Variants in C17orf78 observed in about 807,000 individuals in gnomAD.
C17orf78 encodes uncharacterized protein C17orf78.
C17orf78 carries 27 observed loss-of-function variants against 31.8 expected under a neutral mutation model. That is an observed-to-expected ratio of 0.85 (90% CI 0.63 to 1.17). The LOEUF is 1.17. Ranked by LOEUF, C17orf78 falls within the 50% of genes most tolerant of loss-of-function variation. The pLI is 0.00. For synonymous variants in C17orf78, 106 were observed against 115.1 expected (o/e 0.92, Z 0.51); for missense variants, 258 against 315.2 (o/e 0.82, Z 1.37).
chr17:37,376,564 G>C (rs1568073061), intron 1 of C17orf78, among the ~76,000 whole-genome samples: 1 of 152,128 alleles, frequency 6.6e-6, no homozygotes, highest in Non-Finnish European at 1.5e-5. Context: ...TGAGGGAAAG[G>C]GTGATATTGG....
intron 4 of C17orf78, chr17:37,387,577 G>T (rs1249704322): frequency 6.6e-6 from 1 of 151,866 alleles, no homozygotes; most frequent in African/African-American, 2.4e-5. Flanking sequence ...CTCCTGAGTA[G>T]CTGGGACAAC....
chr17:37,380,833 G>A (rs1034831273), intron 3 of C17orf78, among the ~76,000 whole-genome samples: 8 of 151,352 alleles, frequency 5.3e-5, no homozygotes, highest in African/African-American at 1.9e-4. Flanking sequence ...CTGACCTCAA[G>A]TATCTGCCCG....
Position 37,379,296 on chromosome 17 carries a change from C to T in C17orf78, c.305C>T (p.Ala102Val), listed in dbSNP as rs1406136497. ...TTGAAGAACCTGAGAATCATTGCTG[C>T]TCCCCGCAGAAACAGCTCTGCCTCC... ...HILKNLRIIA[A>V]PRRNSSASSS... The change falls in exon 3 of 7, where the codon GCT becomes GTT. Residue 102 changes from alanine (A) to valine (V), a missense_variant. By Grantham distance (64) the Ala-to-Val change is moderately conservative (BLOSUM62 0). Coordinates refer to ENST00000615133, the MANE Select transcript of C17orf78 (RefSeq NM_173625.5). 6.2e-7 allele frequency: 1 copy of T among 1,613,994 alleles called. No homozygotes were observed. Among genetic ancestry groups the T allele is most frequent in the Non-Finnish European group, 8.5e-7 (1 of 1,179,878 alleles).
chr17:37,380,669 C>T (rs77624360), intron 3 of C17orf78, among the ~76,000 whole-genome samples: 3 of 151,994 alleles, frequency 2.0e-5, no homozygotes, highest in Non-Finnish European at 4.4e-5. Flanking sequence ...GCGATCTTGG[C>T]CCACTGCAAC....
chr17:37,387,640 T>C lies in C17orf78; in HGVS notation c.509-1030T>C, dbSNP rs576422320. On this transcript the variant is annotated intron_variant, in intron 4 of 6. Coordinates refer to ENST00000615133, the MANE Select transcript of C17orf78 (RefSeq NM_173625.5). ...TTTTGTATTTTTAGTAGAGACGGGT[T>C]TCACCATGTTGGCCAGGCTGGTCTC... 4 of 151,694 alleles carry C rather than the reference T, an allele frequency of 2.6e-5. No individual in the cohort carries two copies. In the South Asian group the frequency reaches 8.4e-4, roughly 32 times the overall value. The allele number at this position is 151,694 out of a possible 1,614,324, so 9.4% of individuals were successfully genotyped here. A position where few individuals can be genotyped will look rare whatever the true frequency, so the allele number is the denominator to read the frequency against.
intron 3 of C17orf78, among the ~76,000 whole-genome samples, chr17:37,381,312 A>G (rs115242921): frequency 0.012 from 1,751 of 151,750 alleles, 50 homozygotes; most frequent in African/African-American, 0.038. Context: ...CAGCTTTCCA[A>G]TTAGCTGGGA....
At chr17:37,379,410 G>A (rs781164698) in intron 3 of C17orf78, 28 bp downstream of exon 3, 5 of 1,603,578 alleles carry the variant, frequency 3.1e-6, no homozygotes, top group Non-Finnish European at 1.7e-6. Flanking sequence ...GAAGGGGGCA[G>A]GCACTAACTT....
Position 37,391,795 on chromosome 17 carries a change from T to C in C17orf78, c.*71T>C, listed in dbSNP as rs879581718. 1.5e-6 allele frequency: 2 copies of C among 1,338,948 alleles called. No homozygotes were observed. The highest frequency in any genetic ancestry group is 2.3e-5 in the East Asian group (1 of 43,482). 82.9% of individuals were successfully genotyped at this position (1,338,948 alleles called of 1,614,324 possible). ...CTCCCTATTAATATGGGCACATTCT[T>C]GCCAATTTCACACTTGTATCTTCAG... is the stretch of plus-strand genomic sequence containing the variant. On this transcript the variant is annotated 3_prime_UTR_variant, in exon 7 of 7. Coordinates refer to ENST00000615133, the MANE Select transcript of C17orf78 (RefSeq NM_173625.5).
At chr17:37,386,202 G>T in intron 4 of C17orf78, 77 bp downstream of exon 4, 1 of 922,292 alleles carries the variant, frequency 1.1e-6, no homozygotes. Context: ...AACATTTTTA[G>T]CCCCAGCGTT....
chr17:37,383,864 T>G (rs1338426511), intron 3 of C17orf78, among the ~76,000 whole-genome samples: 1 of 152,138 alleles, frequency 6.6e-6, no homozygotes, highest in Non-Finnish European at 1.5e-5. Context: ...AACAACCAAT[T>G]TATGTATGAA....
At chr17:37,388,918 C>T (rs2050669860) in intron 5 of C17orf78, 124 bp downstream of exon 5, 1 of 1,259,470 alleles carries the variant, frequency 7.9e-7, no homozygotes, top group Non-Finnish European at 1.1e-6. Flanking sequence ...GCCACTCACA[C>T]TCACTAGCTG....
intron 1 of C17orf78, among the ~76,000 whole-genome samples, chr17:37,376,981 T>A (rs971907309): frequency 6.6e-6 from 1 of 151,890 alleles, no homozygotes; most frequent in South Asian, 2.1e-4. Context: ...AATAAAAAAA[T>A]AAAATTAGCT....
intron 2 of C17orf78, 143 bp from the exon 3 acceptor site, chr17:37,378,994 C>T (rs1016345721): frequency 2.0e-5 from 20 of 1,003,068 alleles, no homozygotes; most frequent in South Asian, 3.5e-5. Context: ...GCTTGGAGAT[C>T]GAGGGAGTTT....
rs1202614343 is a variant in C17orf78 at position 37,386,055 on chromosome 17, A to G, written c.438A>G (p.Ser146=). ...AATGTAAAGTCCTGGGGGCTTCATC[A>G]GAGACTTTTCCCACCACTGCCCCTT... The part of the protein sequence containing the change: ...ISQCKVLGAS[S]ETFPTTAPSI... The change falls in exon 4 of 7, where the codon TCA becomes TCG. Residue 146 remains serine (S), a synonymous_variant. Transcript: ENST00000615133. 3 of 1,606,326 alleles carry G rather than the reference A, an allele frequency of 1.9e-6. No individual in the cohort carries two copies. Among genetic ancestry groups the G allele is most frequent in the African/African-American group, 1.3e-5 (1 of 74,732 alleles).
rs2050146070 is a variant in C17orf78 at position 37,379,394 on chromosome 17, A to T, written c.391+12A>T. ...TCTAAAAGGCAAAGGTGAGATTGGA[A>T]AAGAGGAAGGGGGCAGGCACTAACT... is the stretch of plus-strand genomic sequence containing the variant. On this transcript the variant is annotated intron_variant, in intron 3 of 6. Transcript: ENST00000615133. 6.2e-7 allele frequency: 1 copy of T among 1,611,758 alleles called. No individual in the cohort carries two copies. Among genetic ancestry groups the T allele is most frequent in the South Asian group, 1.1e-5 (1 of 90,940 alleles).
chr17:37,377,447 G>A (rs993272681), intron 1 of C17orf78, among the ~76,000 whole-genome samples: 4 of 151,960 alleles, frequency 2.6e-5, no homozygotes, highest in African/African-American at 9.7e-5. Flanking sequence ...ATCACCTGAA[G>A]TAAGGAGTTT....
chr17:37,382,208 T>G (rs1174958979), intron 3 of C17orf78, among the ~76,000 whole-genome samples: 2 of 152,082 alleles, frequency 1.3e-5, no homozygotes, highest in East Asian at 3.9e-4. Context: ...TAAATTACCC[T>G]CACTAGAGGT....
At position 37,383,933 on chromosome 17, in the gene C17orf78, C is replaced by T. The variant is rs190696261; in HGVS notation, c.392-2076C>T. On this transcript the variant is annotated intron_variant, in intron 3 of 6. Coordinates refer to ENST00000615133, the MANE Select transcript of C17orf78 (RefSeq NM_173625.5). ...ACTTCCTATCCTGAATTTAAATCTC[C>T]ACTCAATACCAGAAGTGATAAACCT... Among the ~76,000 whole-genome samples, 33 of 152,264 alleles carry T rather than the reference C, an allele frequency of 2.2e-4. No homozygotes were observed. In the East Asian group the frequency reaches 6.2e-3, roughly 29 times the overall value.
chr17:37,391,942 T>A lies in C17orf78; in HGVS notation c.*218T>A, dbSNP rs1254913732. On this transcript the variant is annotated 3_prime_UTR_variant, in exon 7 of 7. Transcript: ENST00000615133. ...CTGTAATTCACTTCATACATCCATC[T>A]AAATGGATACCTTTCCATCCCCTCA... The A allele has an allele frequency of 1.8e-6, 1 of 561,806 alleles. No individual in the cohort carries two copies. Among genetic ancestry groups the A allele is most frequent in the African/African-American group, 1.9e-5 (1 of 53,558 alleles). The allele number at this position is 561,806 out of a possible 1,614,324, so 34.8% of individuals were successfully genotyped here.
Sources: allele counts gnomAD v4.1 joint callset (sites outside exome capture counted in the v4.1 genomes callset), GRCh38; gene constraint gnomAD v4.1.1; transcripts MANE v1.5; gene names NCBI Gene and HGNC (gene_info 2026-07-23, HGNC 2026-07-21).